LPAR1: variants seen among roughly 807,000 people sequenced by gnomAD.
The protein encoded by LPAR1 is LPA receptor 1.
LPAR1 carries 5 observed loss-of-function variants against 23.8 expected under a neutral mutation model. The observed-to-expected ratio is 0.21, with a 90% CI of 0.11 to 0.44. The LOEUF (loss-of-function observed/expected upper bound fraction) is 0.44. LPAR1 is among the 20% of genes least tolerant of loss of function. LPAR1 has a pLI of 0.99. For missense variants in LPAR1, 311 were observed against 482.8 expected, an observed-to-expected ratio of 0.64 and a Z score of 3.33; for synonymous variants, 160 against 164.7, an observed-to-expected ratio of 0.97 and a Z score of 0.22.
At chr9:110,876,873 A>T (rs1426292935) in intron 5 of LPAR1, among the ~76,000 whole-genome samples, 1 of 152,186 alleles carries the variant, frequency 6.6e-6, no homozygotes, top group African/African-American at 2.4e-5. Flanking sequence ...GGAGGTTGTA[A>T]AATAGCATTA....
chr9:110,979,346 C>T (rs1385845442), intron 2 of LPAR1, among the ~76,000 whole-genome samples: 2 of 150,126 alleles, frequency 1.3e-5, no homozygotes, highest in Non-Finnish European at 3.0e-5. Flanking sequence ...AATGAGAAGG[C>T]TACAAAATGA....
intron 5 of LPAR1, among the ~76,000 whole-genome samples, chr9:110,932,653 C>T (rs2135752516): frequency 6.6e-6 from 1 of 152,386 alleles, no homozygotes; most frequent in South Asian, 2.1e-4. Context: ...GCAAGCATTA[C>T]TGCTTGAGCT....
chr9:110,987,068 T>A (rs868596575), intron 2 of LPAR1, among the ~76,000 whole-genome samples: 1 of 152,044 alleles, frequency 6.6e-6, no homozygotes, highest in Non-Finnish European at 1.5e-5. Flanking sequence ...TCCATCAAGA[T>A]CCTAAAAAGT....
chr9:111,029,897 C>CA (rs1017761529), intron 2 of LPAR1, among the ~76,000 whole-genome samples: 10 of 151,156 alleles, frequency 6.6e-5, no homozygotes, highest in East Asian at 1.9e-4. Context: ...CCAAAAAATA[C>CA]AAAAAAAATT....
intron 5 of LPAR1, among the ~76,000 whole-genome samples, chr9:110,917,693 A>G (rs1254884874): frequency 6.6e-6 from 1 of 152,194 alleles, no homozygotes; most frequent in East Asian, 1.9e-4. Context: ...CTTTGGACTC[A>G]GTACTTAGAA....
At chr9:110,877,004 A>T (rs2079283590) in intron 5 of LPAR1, among the ~76,000 whole-genome samples, 3 of 152,166 alleles carry the variant, frequency 2.0e-5, no homozygotes, top group African/African-American at 7.2e-5. Context: ...CATATGTGTA[A>T]TCAGGCAGGC....
At chr9:111,008,507 A>C (rs2097264013) in intron 2 of LPAR1, among the ~76,000 whole-genome samples, 1 of 152,140 alleles carries the variant, frequency 6.6e-6, no homozygotes, top group Non-Finnish European at 1.5e-5. Flanking sequence ...GGTGACCTTG[A>C]GTTTTGGCTT....
intron 5 of LPAR1, among the ~76,000 whole-genome samples, chr9:110,917,980 G>C (rs1373855633): frequency 6.6e-6 from 1 of 152,168 alleles, no homozygotes; most frequent in African/African-American, 2.4e-5. Context: ...ACAGCTCACT[G>C]TAGCCTCCAC....
chr9:110,895,806 T>C (rs2086128969), intron 5 of LPAR1, among the ~76,000 whole-genome samples: 2 of 151,718 alleles, frequency 1.3e-5, no homozygotes, highest in South Asian at 4.2e-4. Context: ...TAAAAAACAA[T>C]AAAAATAATT....
chr9:110,961,709 A>G (rs12351667), intron 4 of LPAR1, among the ~76,000 whole-genome samples: 76,206 of 151,654 alleles, frequency 0.5, 20,626 homozygotes, highest in Non-Finnish European at 0.61. Flanking sequence ...CAATCATGGC[A>G]GAAGGTGAAG....
intron 5 of LPAR1, among the ~76,000 whole-genome samples, chr9:110,934,823 C>CAA (rs769751371): frequency 8.0e-4 from 67 of 84,266 alleles, no homozygotes; most frequent in Non-Finnish European, 1.5e-3. Context: ...CACACACAAA[C>CAA]ACACACACAC....
Position 111,038,460 on chromosome 9 carries a change from C to A in LPAR1, c.-555G>T. The A allele has an allele frequency of 3.0e-6, 1 of 338,614 alleles. No homozygotes were observed. Among genetic ancestry groups the A allele is most frequent in the South Asian group, 2.1e-5 (1 of 48,152 alleles). 21.0% of individuals were successfully genotyped at this position (338,614 alleles called of 1,614,324 possible). On this transcript the variant is annotated 5_prime_UTR_variant, in exon 1 of 6. Coordinates refer to ENST00000683809, the MANE Select transcript of LPAR1 (RefSeq NM_001351411.2). The surrounding 1 kb of genome is among the most constrained non-coding windows in gnomAD (Gnocchi z 4.4). Reference sequence around the variant, plus strand: ...CACTCAGGGAGCGTCAGCCGCCAGTCGGCCCCTACTGCCCGGCTTTGGCGC... The same window carrying A: ...CACTCAGGGAGCGTCAGCCGCCAGTAGGCCCCTACTGCCCGGCTTTGGCGC...
chr9:111,017,926 G>A (rs546303316), intron 2 of LPAR1, among the ~76,000 whole-genome samples: 1 of 152,284 alleles, frequency 6.6e-6, no homozygotes, highest in Admixed American at 6.5e-5. Flanking sequence ...GGCTGAGGCA[G>A]GAGAATTGCT....
chr9:110,940,272 T>C (rs936959055), intron 5 of LPAR1, among the ~76,000 whole-genome samples: 1 of 152,196 alleles, frequency 6.6e-6, no homozygotes, highest in Admixed American at 6.5e-5. Context: ...ACGAGACCTA[T>C]GCATCAATCT....
chr9:110,991,624 T>G lies in LPAR1; in HGVS notation c.-181-18066A>C, dbSNP rs6477802. ...TGTTGTTGTTGTTGTTGTTGTTGTT[T>G]TTTGGGACAGTTTCACTCTTGTTGC... On this transcript the variant is annotated intron_variant, in intron 2 of 5. Coordinates refer to ENST00000683809, the MANE Select transcript of LPAR1 (RefSeq NM_001351411.2). Among the ~76,000 whole-genome samples, 247 of 148,756 alleles carry G rather than the reference T, an allele frequency of 1.7e-3. 1 individual carries two copies. Among genetic ancestry groups the G allele is most frequent in the South Asian group, 0.011 (54 of 4,712 alleles).
At chr9:110,983,703 T>G (rs996967191) in intron 2 of LPAR1, among the ~76,000 whole-genome samples, 12 of 151,818 alleles carry the variant, frequency 7.9e-5, no homozygotes, top group Non-Finnish European at 1.3e-4. Context: ...AACTATGAAG[T>G]AAATGATAAG....
chr9:110,974,803 C>T lies in LPAR1; in HGVS notation c.-181-1245G>A, dbSNP rs537311617. Among the ~76,000 whole-genome samples the T allele has an allele frequency of 2.6e-4, 39 of 152,168 alleles. No individual in the cohort carries two copies. In the South Asian group the frequency reaches 8.1e-3, roughly 32 times the overall value. ...AGGAGAAAAGCATATGTATACAGGACCTTTCTTTTTTCAAGATGACTGCTA... is the reference window on the plus strand; with the variant it reads ...AGGAGAAAAGCATATGTATACAGGATCTTTCTTTTTTCAAGATGACTGCTA... On this transcript the variant is annotated intron_variant, in intron 2 of 5. Coordinates refer to ENST00000683809, the MANE Select transcript of LPAR1 (RefSeq NM_001351411.2).
At chr9:110,966,413 A>G (rs1199784741) in intron 4 of LPAR1, among the ~76,000 whole-genome samples, 2 of 149,342 alleles carry the variant, frequency 1.3e-5, no homozygotes, top group Non-Finnish European at 3.0e-5. Context: ...CAGGAGGCAG[A>G]GGTTGTGGCG....
chr9:110,964,415 T>TGA (rs761146728), intron 4 of LPAR1, among the ~76,000 whole-genome samples: 16 of 152,222 alleles, frequency 1.1e-4, no homozygotes, highest in Non-Finnish European at 2.4e-4. Context: ...CTAAGTGTGA[T>TGA]GATGGCAGTG....
Sources: gnomAD v4.1 joint callset for allele counts (sites outside exome capture counted in the v4.1 genomes callset) on GRCh38, gnomAD v4.1.1 for gene constraint, Gnocchi (gnomAD v3.1) non-coding constraint, MANE v1.5 for transcripts, NCBI Gene and HGNC (gene_info 2026-07-23, HGNC 2026-07-21) for gene names.